ZBTB8B: variants seen among roughly 807,000 people sequenced by gnomAD.
ZBTB8B encodes zinc finger and BTB domain containing 8B.
Under a neutral mutation model 30.3 loss-of-function variants are expected in ZBTB8B, and 17 were observed. The observed-to-expected ratio is 0.56, with a 90% CI of 0.38 to 0.84. The LOEUF (loss-of-function observed/expected upper bound fraction) is 0.84. Ranked by LOEUF, ZBTB8B falls within the 40% of genes least tolerant of loss-of-function variation. The pLI is 0.00. For missense variants in ZBTB8B, 515 were observed against 644.9 expected, an observed-to-expected ratio of 0.80 and a Z score of 2.18; for synonymous variants, 248 against 255.6, an observed-to-expected ratio of 0.97 and a Z score of 0.28.
In ZBTB8B at chr1:32,485,401, C is replaced by T. The variant is rs375304557; in HGVS notation, c.1471C>T (p.Arg491Ter). Residue 491 changes from arginine to a stop codon, truncating the protein, a stop_gained, in exon 4 of 4, where the codon CGA (arginine) becomes TGA (stop). Transcript: ENST00000609129. LOFTEE classifies it high-confidence loss of function. ...KPQIQPNLSD[R>*]ETLT ...ACAAATTCAGCCTAACTTATCAGAC[C>T]GAGAGACACTTACGTAGCAATAAAT... 8.6e-5 allele frequency: 134 copies of T among 1,550,912 alleles called. No homozygotes were observed. The South Asian group carries it at 8.7e-4, about 10-fold the overall frequency.
rs534592445 is a variant in ZBTB8B at position 32,471,055 on chromosome 1, C to T, written c.431C>T (p.Ala144Val). 7.8e-6 allele frequency: 12 copies of T among 1,544,516 alleles called. No individual in the cohort carries two copies. Among genetic ancestry groups the T allele is most frequent in the African/African-American group, 1.4e-5 (1 of 73,058 alleles). ...GCAGCAGTGGCGGCGGCAGCGGCGG[C>T]GGCTGCAGCGGCGGCAGCAGCGGCG... is the stretch of plus-strand genomic sequence containing the variant. ...VAAAVAAAAA[A>V]AAAAAAAAAH... The change falls in exon 2 of 4, where the codon GCG becomes GTG. Residue 144 changes from alanine (A) to valine (V), a missense_variant. Ala to Val is a moderately conservative substitution (Grantham distance 64). Coordinates refer to ENST00000609129, the MANE Select transcript of ZBTB8B (RefSeq NM_001145720.2).
intron 3 of ZBTB8B, among the ~76,000 whole-genome samples, chr1:32,483,808 T>C (rs1234104703): frequency 1.3e-5 from 2 of 151,826 alleles, no homozygotes; most frequent in Non-Finnish European, 2.9e-5. Context: ...CACACACCTA[T>C]ATTCCCAGCT....
rs776316778 is a variant in ZBTB8B at position 32,471,485 on chromosome 1, C to G, written c.861C>G (p.Asn287Lys). Residue 287 changes from asparagine to lysine, a missense_variant, in exon 2 of 4, where the codon AAC (asparagine) becomes AAG (lysine). Asn to Lys is a moderately conservative substitution (Grantham distance 94). Transcript: ENST00000609129. ...VKQFLEALLR[N>K]SAAPSKDDAD... ...AGTTCCTGGAGGCGCTCTTGCGCAA[C>G]AGCGCTGCCCCGAGCAAGGATGATG... 7.7e-6 allele frequency: 12 copies of G among 1,551,698 alleles called. No individual in the cohort carries two copies. The highest frequency in any genetic ancestry group is 9.6e-6 in the Non-Finnish European group (11 of 1,147,024).
In ZBTB8B at chr1:32,494,854, A is replaced by G. The variant is rs369897706; in HGVS notation, c.*9436A>G. 2.6e-5 allele frequency: 4 copies of G among 151,998 alleles called. No homozygotes were observed. The highest frequency in any genetic ancestry group is 4.8e-5 in the African/African-American group (2 of 41,356). 9.4% of individuals were successfully genotyped at this position (151,998 alleles called of 1,614,324 possible). A position where few individuals can be genotyped will look rare whatever the true frequency, so the allele number is the denominator to read the frequency against. ...CACTCTGTCACCCAGGCTGGAGTGC[A>G]GTGGTGCAATCTCGGCCCACTGCAA... On this transcript the variant is annotated 3_prime_UTR_variant, in exon 4 of 4. Coordinates refer to ENST00000609129, the MANE Select transcript of ZBTB8B (RefSeq NM_001145720.2).
chr1:32,475,816 GTT>G (rs1331933358), intron 2 of ZBTB8B, among the ~76,000 whole-genome samples: 22 of 125,812 alleles, frequency 1.7e-4, no homozygotes, highest in Admixed American at 3.2e-4. Flanking sequence ...AAGAGGGGAG[GTT>G]TTTTTTTTTT....
At position 32,487,586 on chromosome 1, in the gene ZBTB8B, A is replaced by T. The variant is rs1262361893; in HGVS notation, c.*2168A>T. 3 of 152,292 alleles carry T rather than the reference A, an allele frequency of 2.0e-5. No individual in the cohort carries two copies. The highest frequency in any genetic ancestry group is 2.0e-4 in the Admixed American group (3 of 15,292). 9.4% of individuals were successfully genotyped at this position (152,292 alleles called of 1,614,324 possible). A position where few individuals can be genotyped will look rare whatever the true frequency, so the allele number is the denominator to read the frequency against. ...GCTGTGTGCGGTGGCTCACGCCTAT[A>T]ATCCCAGCACTTTGGGAGGCCAAGG... is the stretch of plus-strand genomic sequence containing the variant. On this transcript the variant is annotated 3_prime_UTR_variant, in exon 4 of 4. Coordinates refer to ENST00000609129, the MANE Select transcript of ZBTB8B (RefSeq NM_001145720.2).
In ZBTB8B at chr1:32,470,846, T is replaced by C. The variant is rs1643612072; in HGVS notation, c.222T>C (p.Asp74=). Reference sequence around the variant, plus strand: ...CCTCCTTGGACATTGTCACCTCTGATGCCTTCTCCATCATCTTAGATTTCC... The same window carrying C: ...CCTCCTTGGACATTGTCACCTCTGACGCCTTCTCCATCATCTTAGATTTCC... ...STASLDIVTS[D]AFSIILDFLY... The change falls in exon 2 of 4, where the codon GAT becomes GAC. Residue 74 remains aspartate (D), a synonymous_variant. Transcript: ENST00000609129. 6.4e-7 allele frequency: 1 copy of C among 1,551,836 alleles called. No individual in the cohort carries two copies. The highest frequency in any genetic ancestry group is 1.4e-5 in the African/African-American group (1 of 73,070).
At position 32,485,184 on chromosome 1, in the gene ZBTB8B, C is replaced by A. The variant is rs896858940; in HGVS notation, c.1254C>A (p.Phe418Leu). ...TSHLSQGLRR[F>L]GLCDSCTCVT... is the part of the protein sequence containing the mutation. ...ACCTGTCCCAGGGGCTGCGGCGCTT[C>A]GGGCTGTGTGACAGCTGCACCTGCG... is the stretch of plus-strand genomic sequence containing the variant. Residue 418 changes from phenylalanine (F) to leucine (L), a missense_variant, in exon 4 of 4, where the codon TTC (phenylalanine) becomes TTA (leucine). Phe to Leu is a conservative substitution (Grantham distance 22). Coordinates refer to ENST00000609129, the MANE Select transcript of ZBTB8B (RefSeq NM_001145720.2). 3.2e-6 allele frequency: 5 copies of A among 1,551,834 alleles called. No homozygotes were observed. The highest frequency in any genetic ancestry group is 4.4e-6 in the Non-Finnish European group (5 of 1,147,062).
chr1:32,475,369 G>A (rs1200525841), intron 2 of ZBTB8B, among the ~76,000 whole-genome samples: 2 of 152,090 alleles, frequency 1.3e-5, no homozygotes, highest in African/African-American at 4.8e-5. Flanking sequence ...ATCACTTGAG[G>A]TCAGGAGTTC....
In ZBTB8B at chr1:32,490,431, A is replaced by C. The variant is rs1643771702; in HGVS notation, c.*5013A>C. 1 of 152,168 alleles carries C rather than the reference A, an allele frequency of 6.6e-6. No homozygotes were observed. The highest frequency in any genetic ancestry group is 6.5e-5 in the Admixed American group (1 of 15,272). The allele number at this position is 152,168 out of a possible 1,614,324, so 9.4% of individuals were successfully genotyped here. ...GTTGCTTTTGTAGTTCTCTCCACTC[A>C]ACAGTACTGTGTTCCACAAACCTTT... is the stretch of plus-strand genomic sequence containing the variant. On this transcript the variant is annotated 3_prime_UTR_variant, in exon 4 of 4. Coordinates refer to ENST00000609129, the MANE Select transcript of ZBTB8B (RefSeq NM_001145720.2).
rs188478507 is a variant in ZBTB8B, at chr1:32,467,377, G to A, written c.-42+2272G>A. Among the ~76,000 whole-genome samples the A allele has an allele frequency of 5.2e-3, 794 of 151,332 alleles. 4 individuals carry two copies. Among genetic ancestry groups the A allele is most frequent in the South Asian group, 0.012 (56 of 4,760 alleles). On this transcript the variant is annotated intron_variant, in intron 1 of 3. Transcript: ENST00000609129. ...AGTGATTCTCCTGCCTCAGCCTCCC[G>A]AGTAGCTGGGATTACAGGTGCCCGC...
Position 32,466,635 on chromosome 1 carries a change from C to A in ZBTB8B, c.-42+1530C>A, listed in dbSNP as rs993555757. Among the ~76,000 whole-genome samples, 7 of 152,018 alleles carry A rather than the reference C, an allele frequency of 4.6e-5. No individual in the cohort carries two copies. In the East Asian group the frequency reaches 1.2e-3, roughly 25 times the overall value. On this transcript the variant is annotated intron_variant, in intron 1 of 3. Transcript: ENST00000609129. ...TTGAAGAAAATACTATACGGATAGACTTTTGCAACGTCAGGAAGTAGAATA... is the reference window on the plus strand; with the variant it reads ...TTGAAGAAAATACTATACGGATAGAATTTTGCAACGTCAGGAAGTAGAATA...
In ZBTB8B at chr1:32,485,122, A is replaced by G. The variant is rs1392727257; in HGVS notation, c.1192A>G (p.Ile398Val). 7 of 1,552,150 alleles carry G rather than the reference A, an allele frequency of 4.5e-6. No homozygotes were observed. The South Asian group carries it at 8.3e-5, about 18-fold the overall frequency. Reference protein sequence around the residue: ...ALSVHRSNRPIICKGCRRTFT... With the variant: ...ALSVHRSNRPVICKGCRRTFT... ...ACAGGTCCACAGATCCAACCGTCCA[A>G]TCATCTGCAAGGGCTGCAGGAGAAC... Residue 398 changes from isoleucine to valine, a missense_variant, in exon 4 of 4, where the codon ATC (isoleucine) becomes GTC (valine). Physicochemically the swap from Ile to Val is conservative, Grantham distance 29. Coordinates refer to ENST00000609129, the MANE Select transcript of ZBTB8B (RefSeq NM_001145720.2).
At chr1:32,481,568 G>A (rs2148185307) in intron 3 of ZBTB8B, among the ~76,000 whole-genome samples, 1 of 152,322 alleles carries the variant, frequency 6.6e-6, no homozygotes, top group South Asian at 2.1e-4. Context: ...TTGTCTCCAT[G>A]TGAGCTGGTG....
At chr1:32,468,228 G>A (rs967803126) in intron 1 of ZBTB8B, among the ~76,000 whole-genome samples, 10 of 152,128 alleles carry the variant, frequency 6.6e-5, no homozygotes, top group Non-Finnish European at 1.3e-4. Flanking sequence ...GGGCTCCAAT[G>A]TTGTCCCCAG....
Position 32,471,078 on chromosome 1 carries a change from G to C in ZBTB8B, c.454G>C (p.Ala152Pro), listed in dbSNP as rs1241815006. The change falls in exon 2 of 4, where the codon GCG (alanine) becomes CCG (proline). Residue 152 changes from alanine (A) to proline (P), a missense_variant. Coordinates refer to ENST00000609129, the MANE Select transcript of ZBTB8B (RefSeq NM_001145720.2). ...GGCGGCTGCAGCGGCGGCAGCAGCG[G>C]CGGCTCATCAGGTTGACAGTGAAAG... ...AAAAAAAAAA[A>P]AHQVDSESPS... 2 of 1,549,954 alleles carry C rather than the reference G, an allele frequency of 1.3e-6. No homozygotes were observed. The highest frequency in any genetic ancestry group is 3.9e-5 in the Admixed American group (2 of 50,948).
intron 1 of ZBTB8B, among the ~76,000 whole-genome samples, chr1:32,470,266 C>G (rs1481329356): frequency 6.6e-6 from 1 of 150,658 alleles, no homozygotes; most frequent in Admixed American, 6.6e-5. Flanking sequence ...TTTGGGAGGC[C>G]GAGGCGGGCG....
chr1:32,468,041 G>A lies in ZBTB8B; in HGVS notation c.-41-2543G>A, dbSNP rs190504831. ...TGAGGTAGGATGATTACTTTAGCCA[G>A]GGAGGCGGAGGTCAGAGTGGGCCGA... On this transcript the variant is annotated intron_variant, in intron 1 of 3. Transcript: ENST00000609129. Among the ~76,000 whole-genome samples, 278 of 151,258 alleles carry A rather than the reference G, an allele frequency of 1.8e-3. 2 individuals are homozygous for A. Among genetic ancestry groups the A allele is most frequent in the African/African-American group, 6.3e-3 (261 of 41,162 alleles).
At chr1:32,468,792 C>T (rs1358043474) in intron 1 of ZBTB8B, among the ~76,000 whole-genome samples, 5 of 149,996 alleles carry the variant, frequency 3.3e-5, no homozygotes, top group Non-Finnish European at 7.4e-5. Context: ...ATATGGAAGG[C>T]GGAGGTTGCA....
Sources: gnomAD v4.1 joint callset for allele counts (sites outside exome capture counted in the v4.1 genomes callset) on GRCh38, gnomAD v4.1.1 for gene constraint, MANE v1.5 for transcripts, NCBI Gene and HGNC (gene_info 2026-07-23, HGNC 2026-07-21) for gene names.